MGAT5B: variants seen among roughly 807,000 people sequenced by gnomAD.
MGAT5B encodes the protein alpha-1,6-mannosylglycoprotein 6-beta-N-acetylglucosaminyltransferase B, also known as N-acetylglucosaminyl-transferase Vb.
MGAT5B carries 54 observed loss-of-function variants against 95.1 expected under a neutral mutation model. The observed-to-expected ratio is 0.57, with a 90% CI of 0.46 to 0.71. The LOEUF (loss-of-function observed/expected upper bound fraction) is 0.71. Ranked by LOEUF, MGAT5B falls within the 30% of genes least tolerant of loss-of-function variation. The probability of loss-of-function intolerance (pLI) is 0.00; values close to 1 mark genes in which losing one functional copy is unlikely to be tolerated. For synonymous variants in MGAT5B, 464 were observed against 451.0 expected, an observed-to-expected ratio of 1.03 and a Z score of -0.36; for missense variants, 935 against 1,088.6, an observed-to-expected ratio of 0.86 and a Z score of 1.99.
At chr17:76,894,468 C>T (rs537663021) in intron 3 of MGAT5B, among the ~76,000 whole-genome samples, 5 of 152,294 alleles carry the variant, frequency 3.3e-5, no homozygotes. Context: ...CTGTCATTAT[C>T]GTTAGTGGCA....
chr17:76,918,152 C>T lies in MGAT5B; in HGVS notation c.1026-6814C>T, dbSNP rs765029091. Among the ~76,000 whole-genome samples, 30 of 151,864 alleles carry T rather than the reference C, an allele frequency of 2.0e-4. No individual in the cohort carries two copies. Among genetic ancestry groups the T allele is most frequent in the Non-Finnish European group, 3.5e-4 (24 of 68,000 alleles). On this transcript the variant is annotated intron_variant, in intron 8 of 17. Coordinates refer to ENST00000569840, the MANE Select transcript of MGAT5B (RefSeq NM_001199172.2). This position sits in a 1 kb window ranked among gnomAD's most constrained non-coding sequence, Gnocchi z 5.1. ...CTTTGGGTCTGCAGTGTTGAGGATA[C>T]GCTGCTCCCTCAGTTTCCCTTTCGG...
chr17:76,887,709 A>G (rs1415552118), intron 3 of MGAT5B, among the ~76,000 whole-genome samples: 1 of 150,070 alleles, frequency 6.7e-6, no homozygotes, highest in Non-Finnish European at 1.5e-5. Context: ...GTGCACCACC[A>G]TGCCCGGCTA....
chr17:76,917,972 C>G lies in MGAT5B; in HGVS notation c.1026-6994C>G, dbSNP rs1209320878. 6.6e-6 allele frequency among the ~76,000 whole-genome samples: 1 copy of G among 152,188 alleles called. No homozygotes were observed. Among genetic ancestry groups the G allele is most frequent in the Non-Finnish European group, 1.5e-5 (1 of 68,036 alleles). ...CTGGGAACGACCGGAGGGCCGAGTTCCCGTTCCTCTTCCTGCAGCCGTGCT... is the reference window on the plus strand; with the variant it reads ...CTGGGAACGACCGGAGGGCCGAGTTGCCGTTCCTCTTCCTGCAGCCGTGCT... On this transcript the variant is annotated intron_variant, in intron 8 of 17. Transcript: ENST00000569840. The surrounding 1 kb of genome is among the most constrained non-coding windows in gnomAD (Gnocchi z 6.1).
At chr17:76,929,134 G>A (rs1202383189) in intron 10 of MGAT5B, among the ~76,000 whole-genome samples, 3 of 152,152 alleles carry the variant, frequency 2.0e-5, no homozygotes, top group Non-Finnish European at 4.4e-5. Context: ...CCAAAGTGCT[G>A]GGATTCCAGG....
In MGAT5B at chr17:76,930,351, C is replaced by T. The variant is rs184410968; in HGVS notation, c.1292-2294C>T. On this transcript the variant is annotated intron_variant, in intron 10 of 17. Transcript: ENST00000569840. The surrounding 1 kb of genome is among the most constrained non-coding windows in gnomAD (Gnocchi z 4.1). Reference sequence around the variant, plus strand: ...AGTAGATTTACACATTTGATGAAAGCATGCATCCCAATTGGAGAAACGTTA... The same window carrying T: ...AGTAGATTTACACATTTGATGAAAGTATGCATCCCAATTGGAGAAACGTTA... Among the ~76,000 whole-genome samples, 853 of 152,276 alleles carry T rather than the reference C, an allele frequency of 5.6e-3. 4 individuals are homozygous for T. Among genetic ancestry groups the T allele is most frequent in the Non-Finnish European group, 8.2e-3 (558 of 68,028 alleles).
Position 76,873,787 on chromosome 17 carries a change from G to A in MGAT5B, c.181+824G>A, listed in dbSNP as rs79802953. 6.1e-3 allele frequency among the ~76,000 whole-genome samples: 922 copies of A among 152,338 alleles called. 12 individuals are homozygous for A. Among genetic ancestry groups the A allele is most frequent in the African/African-American group, 0.021 (880 of 41,574 alleles). On this transcript the variant is annotated intron_variant, in intron 2 of 17. Transcript: ENST00000569840. ...TGGTCAAAAGGAGGGACATGGGGTA[G>A]TGGGGAAACTGAGGCAAGTAGGTTT...
rs547085703 is a variant in MGAT5B, at chr17:76,889,680, C to A, written c.329+7382C>A. ...TGATGATAATAATCAATGACAATAG[C>A]AAATAATAATAACAGCCACCCTCTA... On this transcript the variant is annotated intron_variant, in intron 3 of 17. Coordinates refer to ENST00000569840, the MANE Select transcript of MGAT5B (RefSeq NM_001199172.2). This position sits in a 1 kb window ranked among gnomAD's most constrained non-coding sequence, Gnocchi z 4.4. Among the ~76,000 whole-genome samples, 4 of 149,040 alleles carry A rather than the reference C, an allele frequency of 2.7e-5. No homozygotes were observed. Among genetic ancestry groups the A allele is most frequent in the East Asian group, 3.9e-4 (2 of 5,118 alleles).
intron 16 of MGAT5B, among the ~76,000 whole-genome samples, 164 bp from the exon 17 acceptor site, chr17:76,947,664 AGT>A (rs1970075053): frequency 6.6e-6 from 1 of 152,290 alleles, no homozygotes; most frequent in African/African-American, 2.4e-5. Flanking sequence ...TGGAGACACG[AGT>A]GTCCATGAGA....
rs969739907 is a variant in MGAT5B at position 76,889,362 on chromosome 17, C to A, written c.329+7064C>A. On this transcript the variant is annotated intron_variant, in intron 3 of 17. Transcript: ENST00000569840. This position sits in a 1 kb window ranked among gnomAD's most constrained non-coding sequence, Gnocchi z 4.4. ...TGGGCCCACCAAGGGGTGGCTCCAG[C>A]AGGCAGGGAGGGAAGAGCTCTCAGG... 6.6e-6 allele frequency among the ~76,000 whole-genome samples: 1 copy of A among 152,106 alleles called. No individual in the cohort carries two copies. The highest frequency in any genetic ancestry group is 2.4e-5 in the African/African-American group (1 of 41,408).
At chr17:76,875,191 G>A (rs546043104) in intron 2 of MGAT5B, among the ~76,000 whole-genome samples, 1 of 152,242 alleles carries the variant, frequency 6.6e-6, no homozygotes, top group East Asian at 1.9e-4. Flanking sequence ...CGTTTCAGGA[G>A]TTGATATGGT....
intron 2 of MGAT5B, among the ~76,000 whole-genome samples, chr17:76,878,571 C>T (rs1967284662): frequency 6.6e-6 from 1 of 152,104 alleles, no homozygotes; most frequent in Non-Finnish European, 1.5e-5. Flanking sequence ...ATCTCATGGG[C>T]TCCAGCAATC....
chr17:76,947,702 C>A, intron 16 of MGAT5B, 128 bp from the exon 17 acceptor site: 3 of 1,364,822 alleles, frequency 2.2e-6, no homozygotes, highest in South Asian at 2.0e-5. Context: ...GCAGGTAAAG[C>A]TACCTGGTAT....
chr17:76,927,693 G>T (rs187816547), intron 10 of MGAT5B, among the ~76,000 whole-genome samples: 2 of 152,228 alleles, frequency 1.3e-5, no homozygotes, highest in African/African-American at 4.8e-5. Context: ...GACGGCAGAG[G>T]TGTGCGGAGC....
chr17:76,924,824 G>C (rs1969246394), intron 8 of MGAT5B, 142 bp from the exon 9 acceptor site: 1 of 1,072,284 alleles, frequency 9.3e-7, no homozygotes, highest in African/African-American at 1.6e-5. Context: ...ACCGTACAGG[G>C]CCATCCTGCT....
At chr17:76,895,815 A>C (rs1048691988) in intron 3 of MGAT5B, among the ~76,000 whole-genome samples, 6 of 152,230 alleles carry the variant, frequency 3.9e-5, no homozygotes, top group African/African-American at 1.4e-4. Context: ...AAGGGGGGGC[A>C]TCATTTAACC....
intron 3 of MGAT5B, among the ~76,000 whole-genome samples, chr17:76,900,011 A>G (rs1320684275): frequency 6.6e-6 from 1 of 152,126 alleles, no homozygotes; most frequent in African/African-American, 2.4e-5. Flanking sequence ...CTGATGTCAC[A>G]CAGGTGCCGC....
At chr17:76,883,247 G>A (rs1428125689) in intron 3 of MGAT5B, among the ~76,000 whole-genome samples, 4 of 151,948 alleles carry the variant, frequency 2.6e-5, no homozygotes, top group Non-Finnish European at 4.4e-5. Flanking sequence ...TGATCCAACC[G>A]TCTCAGCCAC....
rs1256993938 is a variant in MGAT5B at position 76,917,328 on chromosome 17, G to A, written c.1026-7638G>A. 6.6e-6 allele frequency among the ~76,000 whole-genome samples: 1 copy of A among 151,738 alleles called. No homozygotes were observed. The highest frequency in any genetic ancestry group is 2.4e-5 in the African/African-American group (1 of 41,266). On this transcript the variant is annotated intron_variant, in intron 8 of 17. Coordinates refer to ENST00000569840, the MANE Select transcript of MGAT5B (RefSeq NM_001199172.2). This position sits in a 1 kb window ranked among gnomAD's most constrained non-coding sequence, Gnocchi z 6.1. Reference sequence around the variant, plus strand: ...CAGCTGCCCCTGGCTTCACTTTCTTGTTGGGTCTCGGGGGTGCCTTCCCAC... The same window carrying A: ...CAGCTGCCCCTGGCTTCACTTTCTTATTGGGTCTCGGGGGTGCCTTCCCAC...
intron 13 of MGAT5B, among the ~76,000 whole-genome samples, chr17:76,939,886 T>C (rs188723509): frequency 1.4e-3 from 214 of 152,320 alleles, no homozygotes; most frequent in African/African-American, 4.7e-3. Context: ...TATCTTATGG[T>C]GTCTATGTAC....
Sources: allele counts gnomAD v4.1 joint callset (sites outside exome capture counted in the v4.1 genomes callset), GRCh38; gene constraint gnomAD v4.1.1; non-coding constraint Gnocchi (gnomAD v3.1); transcripts MANE v1.5; gene names NCBI Gene and HGNC (gene_info 2026-07-23, HGNC 2026-07-21).